GPHN: variants seen among roughly 807,000 people sequenced by gnomAD.
GPHN encodes the protein gephyrin.
In GPHN, 17 loss-of-function variants were observed where a neutral mutation model predicts 95.5. The observed-to-expected ratio is 0.18, with a 90% confidence interval of 0.12 to 0.27. The LOEUF is 0.27. GPHN is among the 10% of genes least tolerant of loss of function. GPHN has a pLI of 1.00. For missense variants in GPHN, 660 were observed against 978.1 expected, an observed-to-expected ratio of 0.67 and a Z score of 4.34; for synonymous variants, 320 against 322.5, an observed-to-expected ratio of 0.99 and a Z score of 0.08.
At chr14:67,150,439 T>TAAAAA (rs2081191885) in intron 18 of GPHN, among the ~76,000 whole-genome samples, 3 of 31,138 alleles carry the variant, frequency 9.6e-5, no homozygotes, top group Admixed American at 6.2e-4. Flanking sequence ...AGACTCCGTC[T>TAAAAA]CAAAAAAAAA....
At chr14:66,743,827 T>C (rs2073017325) in intron 2 of GPHN, among the ~76,000 whole-genome samples, 2 of 152,224 alleles carry the variant, frequency 1.3e-5, no homozygotes, top group African/African-American at 2.4e-5. Flanking sequence ...CTTGTATTTT[T>C]CTTATATTAC....
At chr14:66,853,809 A>T (rs771045021) in intron 4 of GPHN, among the ~76,000 whole-genome samples, 6 of 152,208 alleles carry the variant, frequency 3.9e-5, no homozygotes, top group Non-Finnish European at 8.8e-5. Context: ...TTTCTTCATC[A>T]GTTTTATCAA....
the GPHN span, chr14:67,376,558 T>C: frequency 2.5e-6 from 4 of 1,614,074 alleles, no homozygotes; most frequent in Non-Finnish European, 3.4e-6. Context: ...GACCTGGATA[T>C]GGTGCCTATG....
chr14:66,697,747 G>GT (rs1461352455), intron 2 of GPHN, among the ~76,000 whole-genome samples: 1 of 147,856 alleles, frequency 6.8e-6, no homozygotes. Context: ...GAGTGCAGTG[G>GT]TGCAATCATG....
chr14:66,759,874 T>C (rs2058697706), intron 2 of GPHN, among the ~76,000 whole-genome samples: 2 of 152,316 alleles, frequency 1.3e-5, no homozygotes, highest in African/African-American at 2.4e-5. Context: ...AAATCAAATA[T>C]TGAAAATTTA....
intron 1 of GPHN, among the ~76,000 whole-genome samples, chr14:66,619,305 T>C (rs1268637887): frequency 6.6e-6 from 1 of 152,200 alleles, no homozygotes; most frequent in Non-Finnish European, 1.5e-5. Flanking sequence ...AACTGCTAAA[T>C]TGTTTCCCAA....
At chr14:67,308,069 G>C in the GPHN span, among the ~76,000 whole-genome samples, 16 of 152,030 alleles carry the variant, frequency 1.1e-4, no homozygotes, top group East Asian at 2.5e-3. Context: ...CACACACTAG[G>C]GTCTTTCAGA....
chr14:66,817,133 A>G (rs1312023237), intron 3 of GPHN, among the ~76,000 whole-genome samples: 1 of 152,080 alleles, frequency 6.6e-6, no homozygotes, highest in Non-Finnish European at 1.5e-5. Flanking sequence ...ATGTTAATAT[A>G]CTGATCTATT....
At chr14:66,533,044 C>G (rs575785935) in intron 1 of GPHN, among the ~76,000 whole-genome samples, 42 of 152,238 alleles carry the variant, frequency 2.8e-4, no homozygotes, top group African/African-American at 8.2e-4. Context: ...GTGTAGTCGC[C>G]GAATAGTCAG....
the GPHN span, among the ~76,000 whole-genome samples, chr14:67,375,213 A>G: frequency 6.8e-6 from 1 of 147,890 alleles, no homozygotes; most frequent in African/African-American, 2.5e-5. Flanking sequence ...GTTATCCTTC[A>G]TCCTCTACAT....
At chr14:66,513,892 C>T (rs1201137573) in intron 1 of GPHN, among the ~76,000 whole-genome samples, 1 of 151,608 alleles carries the variant, frequency 6.6e-6, no homozygotes. Flanking sequence ...TTTAAACAAC[C>T]CCAACAATTT....
At chr14:66,833,111 G>A (rs941765505) in intron 4 of GPHN, among the ~76,000 whole-genome samples, 3 of 152,026 alleles carry the variant, frequency 2.0e-5, no homozygotes, top group Non-Finnish European at 2.9e-5. Context: ...TTCTCACATC[G>A]CTAATAAAGA....
the GPHN span, among the ~76,000 whole-genome samples, chr14:67,285,154 G>T: frequency 1.3e-5 from 2 of 152,092 alleles, no homozygotes; most frequent in Non-Finnish European, 1.5e-5. Flanking sequence ...TAGAGGAAAA[G>T]AAATCTTAAA....
At chr14:67,377,763 C>A in the GPHN span, among the ~76,000 whole-genome samples, 2 of 152,110 alleles carry the variant, frequency 1.3e-5, no homozygotes, top group African/African-American at 4.8e-5. Context: ...ACCCACTTCT[C>A]AACTTTTCCT....
the GPHN span, among the ~76,000 whole-genome samples, chr14:67,352,375 G>A: frequency 6.6e-6 from 1 of 151,482 alleles, no homozygotes; most frequent in South Asian, 2.1e-4. Context: ...AGAGGCTGAG[G>A]TGGGAGGATC....
In GPHN at chr14:67,056,858, C is replaced by T. The variant is rs942695906; in HGVS notation, c.1007-1791C>T. Among the ~76,000 whole-genome samples, 4 of 152,176 alleles carry T rather than the reference C, an allele frequency of 2.6e-5. No homozygotes were observed. In the South Asian group the frequency reaches 8.3e-4, roughly 32 times the overall value. The stretch of plus-strand genomic sequence containing the variant: ...GGCGGGCTGCAGGTCCTGAGCCCTG[C>T]CCCGCAAGGAGGCGGCTGAGGCCCA... On this transcript the variant is annotated intron_variant, in intron 10 of 22. Transcript: ENST00000478722.
chr14:66,555,122 C>CA (rs918920114), intron 1 of GPHN, among the ~76,000 whole-genome samples: 16 of 150,670 alleles, frequency 1.1e-4, no homozygotes, highest in East Asian at 7.7e-4. Context: ...AAAATCCCCA[C>CA]AAAAAAAACA....
chr14:67,722,366 C>G, the GPHN span: 1 of 546,346 alleles, frequency 1.8e-6, no homozygotes, highest in Admixed American at 3.1e-5. Flanking sequence ...TCCCCACATT[C>G]TCTTTGCCAG....
the GPHN span, among the ~76,000 whole-genome samples, chr14:67,440,972 G>T: frequency 6.6e-6 from 1 of 152,144 alleles, no homozygotes; most frequent in African/African-American, 2.4e-5. Flanking sequence ...AGCTCGGCTT[G>T]TCTCTAAGCC....
Sources: gnomAD v4.1 joint callset for allele counts (sites outside exome capture counted in the v4.1 genomes callset) on GRCh38, gnomAD v4.1.1 for gene constraint, MANE v1.5 for transcripts, NCBI Gene and HGNC (gene_info 2026-07-23, HGNC 2026-07-21) for gene names.